The following ZSCAN25 variants were observed in gnomAD, a reference collection of about 807,000 sequenced individuals.
ZSCAN25 encodes zinc finger and SCAN domain-containing protein 25.
Under a neutral mutation model 38.7 loss-of-function variants are expected in ZSCAN25, and 27 were observed. The observed-to-expected ratio is 0.70, with a 90% CI of 0.51 to 0.96. ZSCAN25 has a LOEUF of 0.96. Ranked by LOEUF, ZSCAN25 falls within the 40% of genes least tolerant of loss-of-function variation. The pLI, the probability that ZSCAN25 is intolerant of heterozygous loss-of-function variation, is 0.00. For synonymous variants in ZSCAN25, 273 were observed against 277.7 expected (o/e 0.98, Z 0.17); for missense variants, 637 against 705.9 (o/e 0.90, Z 1.11).
the ZSCAN25 span, among the ~76,000 whole-genome samples, chr7:99,721,872 T>C: frequency 0.16 from 24,149 of 152,084 alleles, 2,514 homozygotes; most frequent in South Asian, 0.33. Flanking sequence ...TATCACAAAA[T>C]ACTTGGCAAA....
chr7:99,665,411 TA>T, the ZSCAN25 span: 3 of 1,491,998 alleles, frequency 2.0e-6, no homozygotes. Flanking sequence ...TCAAGACACA[TA>T]AAGAGCCACA....
At chr7:99,679,091 G>C in the ZSCAN25 span, among the ~76,000 whole-genome samples, 3 of 152,208 alleles carry the variant, frequency 2.0e-5, no homozygotes, top group East Asian at 1.9e-4. Context: ...GCCTCCCAGA[G>C]ACGGGAGGAA....
At chr7:99,624,346 C>G (rs777730341) in intron 7 of ZSCAN25, 166 bp downstream of exon 7, 12 of 738,434 alleles carry the variant, frequency 1.6e-5, no homozygotes, top group Non-Finnish European at 2.6e-5. Flanking sequence ...TTTCCTGTGT[C>G]AATAGAGGAG....
the ZSCAN25 span, chr7:99,648,319 G>C: frequency 6.2e-7 from 1 of 1,612,962 alleles, no homozygotes; most frequent in South Asian, 1.1e-5. Flanking sequence ...TCTCCACTTA[G>C]GGTTCCATCT....
the ZSCAN25 span, among the ~76,000 whole-genome samples, chr7:99,738,027 G>A: frequency 6.6e-6 from 1 of 152,182 alleles, no homozygotes; most frequent in Non-Finnish European, 1.5e-5. Context: ...CATTCATCAT[G>A]TTTTTAAAGC....
chr7:99,622,669 A>G (rs772123228), intron 6 of ZSCAN25, 29 bp downstream of exon 6: 7 of 1,604,370 alleles, frequency 4.4e-6, no homozygotes, highest in South Asian at 3.3e-5. Context: ...TGCAGAAATC[A>G]TGACCGTTGC....
At chr7:99,686,499 G>A in the ZSCAN25 span, among the ~76,000 whole-genome samples, 1 of 152,218 alleles carries the variant, frequency 6.6e-6, no homozygotes, top group African/African-American at 2.4e-5. Flanking sequence ...GGTAAACAAA[G>A]CAGCTGGGAA....
chr7:99,638,707 C>T, the ZSCAN25 span: 37 of 1,371,268 alleles, frequency 2.7e-5, no homozygotes, highest in East Asian at 4.4e-4. Flanking sequence ...CGCATCCAGG[C>T]GCAACATGAG....
the ZSCAN25 span, chr7:99,685,149 A>T: frequency 6.2e-7 from 1 of 1,602,966 alleles, no homozygotes; most frequent in East Asian, 2.2e-5. Context: ...TTCAGGTTCC[A>T]CTTACGGTCC....
the ZSCAN25 span, chr7:99,710,829 G>T: frequency 6.0e-5 from 97 of 1,613,834 alleles, no homozygotes; most frequent in African/African-American, 1.2e-3. Flanking sequence ...AACACTGCTC[G>T]TGGTTTCATA....
chr7:99,728,835 G>A, the ZSCAN25 span, among the ~76,000 whole-genome samples: 1 of 152,104 alleles, frequency 6.6e-6, no homozygotes, highest in Non-Finnish European at 1.5e-5. Flanking sequence ...ACAACTTTCT[G>A]TAGCCTTTCT....
chr7:99,638,530 CAGTGT>C, the ZSCAN25 span: 1 of 1,512,472 alleles, frequency 6.6e-7, no homozygotes, highest in East Asian at 2.3e-5. Flanking sequence ...CCTTGGGTCC[CAGTGT>C]AGTTATGCCG....
At chr7:99,698,945 CATT>C in the ZSCAN25 span, among the ~76,000 whole-genome samples, 9 of 152,168 alleles carry the variant, frequency 5.9e-5, no homozygotes, top group South Asian at 1.0e-3. Context: ...ATTTTCATGT[CATT>C]GTTGTTGCCT....
At chr7:99,685,374 G>A in the ZSCAN25 span, 2 of 1,127,216 alleles carry the variant, frequency 1.8e-6, no homozygotes, top group East Asian at 2.5e-5. Flanking sequence ...AATTCAGGGA[G>A]GTAAAGCAAG....
the ZSCAN25 span, among the ~76,000 whole-genome samples, chr7:99,660,983 A>G: frequency 6.6e-6 from 1 of 152,296 alleles, no homozygotes; most frequent in East Asian, 1.9e-4. Context: ...TGTGCCTTGA[A>G]TGATCCTAAA....
the ZSCAN25 span, chr7:99,717,652 G>A: frequency 2.6e-5 from 42 of 1,613,104 alleles, 1 homozygote; most frequent in Non-Finnish European, 3.4e-5. Flanking sequence ...AGAGTTCAAA[G>A]CAGAAAGATT....
the ZSCAN25 span, chr7:99,652,321 C>A: frequency 8.7e-6 from 3 of 344,554 alleles, no homozygotes; most frequent in African/African-American, 4.2e-5. Context: ...AGAAAAATGC[C>A]CACAGGGACA....
At chr7:99,662,710 G>A in the ZSCAN25 span, 2 of 1,103,856 alleles carry the variant, frequency 1.8e-6, no homozygotes, top group South Asian at 2.7e-5. This position sits in a 1 kb window ranked among gnomAD's most constrained non-coding sequence, Gnocchi z 4.3. Context: ...GTTCTGCTAT[G>A]TGGCAAAAAT....
intron 7 of ZSCAN25, among the ~76,000 whole-genome samples, chr7:99,627,270 G>A (rs181252575): frequency 8.5e-5 from 13 of 152,252 alleles, no homozygotes; most frequent in African/African-American, 2.6e-4. Flanking sequence ...ACATAAATTC[G>A]ATATATGTAA....
Sources: allele counts gnomAD v4.1 joint callset (sites outside exome capture counted in the v4.1 genomes callset), GRCh38; gene constraint gnomAD v4.1.1; non-coding constraint Gnocchi (gnomAD v3.1); transcripts MANE v1.5; gene names NCBI Gene and HGNC (gene_info 2026-07-23, HGNC 2026-07-21).